TIAM2: variants seen among roughly 807,000 people sequenced by gnomAD.
TIAM2 encodes the protein rho guanine nucleotide exchange factor TIAM2.
Under a neutral mutation model 152.9 loss-of-function variants are expected in TIAM2, and 80 were observed. The ratio of observed to expected loss-of-function variants is 0.52; its 90% CI spans 0.44 to 0.63. The LOEUF (loss-of-function observed/expected upper bound fraction) is 0.63. Among genes scored for constraint, TIAM2 ranks in the 30% least tolerant of loss-of-function variants. The pLI, the probability that TIAM2 is intolerant of heterozygous loss-of-function variation, is 0.00. For synonymous variants in TIAM2, 804 were observed against 838.0 expected, an observed-to-expected ratio of 0.96 and a Z score of 0.70; for missense variants, 1,965 against 2,120.1, an observed-to-expected ratio of 0.93 and a Z score of 1.44.
At chr6:155,130,736 G>A (rs1779426740) in intron 4 of TIAM2, among the ~76,000 whole-genome samples, 1 of 152,168 alleles carries the variant, frequency 6.6e-6, no homozygotes, top group African/African-American at 2.4e-5. Flanking sequence ...GAAGTCAGAG[G>A]TCAGAGTGCC....
chr6:155,064,788 T>C (rs1418052413), intron 1 of TIAM2, among the ~76,000 whole-genome samples: 1 of 152,130 alleles, frequency 6.6e-6, no homozygotes, highest in Admixed American at 6.6e-5. Flanking sequence ...TACTGCTGCA[T>C]TGAGGACAAA....
chr6:155,089,823 G>A (rs1038821657), intron 1 of TIAM2, among the ~76,000 whole-genome samples: 1 of 152,126 alleles, frequency 6.6e-6, no homozygotes, highest in Non-Finnish European at 1.5e-5. Flanking sequence ...CTTGAATGGA[G>A]CTCAGTGAGA....
chr6:155,063,201 C>T (rs1364350182), intron 1 of TIAM2, among the ~76,000 whole-genome samples: 2 of 152,058 alleles, frequency 1.3e-5, no homozygotes, highest in South Asian at 2.1e-4. Context: ...TGAGTCAAGA[C>T]TTAGAAATGC....
At chr6:155,092,154 C>T (rs1778321073) in intron 2 of TIAM2, among the ~76,000 whole-genome samples, 3 of 150,848 alleles carry the variant, frequency 2.0e-5, no homozygotes, top group South Asian at 4.2e-4. Flanking sequence ...CTGCCTCAGC[C>T]TCCCAAAGTG....
chr6:155,160,805 G>C lies in TIAM2; in HGVS notation c.2029-3610G>C, dbSNP rs1274832366. ...AACAAACAAACAAAAAATCACTCCAGTCAGGATAAGGTTAAGAAGGATAAG... is the reference window on the plus strand; with the variant it reads ...AACAAACAAACAAAAAATCACTCCACTCAGGATAAGGTTAAGAAGGATAAG... On this transcript the variant is annotated intron_variant, in intron 7 of 26. Transcript: ENST00000682666. 7.2e-5 allele frequency among the ~76,000 whole-genome samples: 11 copies of C among 152,088 alleles called. No individual in the cohort carries two copies. The East Asian group carries it at 2.1e-3, about 29-fold the overall frequency.
chr6:155,147,642 C>T (rs1262327070), intron 6 of TIAM2, among the ~76,000 whole-genome samples: 11 of 152,304 alleles, frequency 7.2e-5, no homozygotes, highest in Admixed American at 3.9e-4. Flanking sequence ...TGCGCCACCA[C>T]GCCCGGCTAA....
chr6:155,257,342 T>G lies in TIAM2; in HGVS notation c.*221T>G. On this transcript the variant is annotated 3_prime_UTR_variant, in exon 27 of 27. Transcript: ENST00000682666. ...CAGAATCTGTAAATTACTTAGTTTA[T>G]ATCCACTTTGAGCAGGTATCAAATG... The G allele has an allele frequency of 1.8e-6, 1 of 553,164 alleles. No homozygotes were observed. Among genetic ancestry groups the G allele is most frequent in the South Asian group, 2.2e-5 (1 of 46,394 alleles). The allele number at this position is 553,164 out of a possible 1,614,324, so 34.3% of individuals were successfully genotyped here. A position where few individuals can be genotyped will look rare whatever the true frequency, so the allele number is the denominator to read the frequency against.
intron 1 of TIAM2, among the ~76,000 whole-genome samples, chr6:155,056,240 C>T (rs1234733880): frequency 4.3e-5 from 6 of 139,946 alleles, no homozygotes; most frequent in Admixed American, 1.5e-4. Context: ...GGCGCGATCT[C>T]GGCTCACTGC....
chr6:155,206,477 T>C (rs573165586), intron 14 of TIAM2, among the ~76,000 whole-genome samples: 17 of 152,280 alleles, frequency 1.1e-4, no homozygotes, highest in South Asian at 2.1e-4. Context: ...CCTCGTGATC[T>C]GCCCCCCTCA....
At chr6:155,116,718 C>T (rs1189700832) in intron 2 of TIAM2, among the ~76,000 whole-genome samples, 6 of 152,076 alleles carry the variant, frequency 3.9e-5, no homozygotes, top group East Asian at 1.9e-4. Context: ...GAGATTCCAG[C>T]GCATGATGCT....
intron 1 of TIAM2, among the ~76,000 whole-genome samples, chr6:155,023,660 G>A (rs1046906510): frequency 2.6e-5 from 4 of 152,116 alleles, no homozygotes; most frequent in East Asian, 3.8e-4. Context: ...CTTCTCTTGC[G>A]GGGAAAGGTC....
intron 1 of TIAM2, among the ~76,000 whole-genome samples, chr6:155,061,322 A>G (rs921121607): frequency 6.6e-6 from 1 of 152,098 alleles, no homozygotes; most frequent in Non-Finnish European, 1.5e-5. Flanking sequence ...GCTATCTCTA[A>G]ATACACACAT....
chr6:155,147,877 G>A (rs1480899845), intron 6 of TIAM2, among the ~76,000 whole-genome samples: 1 of 152,160 alleles, frequency 6.6e-6, no homozygotes, highest in African/African-American at 2.4e-5. Context: ...ACTCGTTTCT[G>A]GTTTTAGTTC....
In TIAM2 at chr6:155,254,183, G is replaced by A. The variant is rs117437369; in HGVS notation, c.4313+123G>A. On this transcript the variant is annotated intron_variant, in intron 25 of 26. Transcript: ENST00000682666. Reference sequence around the variant, plus strand: ...ATCAGGGTCATACTCCCCACCCTCCGAAAAAGGCAACTGAGGCCGCTAGTA... The same window carrying A: ...ATCAGGGTCATACTCCCCACCCTCCAAAAAAGGCAACTGAGGCCGCTAGTA... The A allele has an allele frequency of 2.5e-4, 292 of 1,155,574 alleles. 2 individuals are homozygous for A. Among genetic ancestry groups the A allele is most frequent in the Non-Finnish European group, 3.3e-4 (274 of 823,078 alleles). 71.6% of individuals were successfully genotyped at this position (1,155,574 alleles called of 1,614,324 possible). A position where few individuals can be genotyped will look rare whatever the true frequency, so the allele number is the denominator to read the frequency against.
rs765208166 is a variant in TIAM2, at chr6:155,148,193, A to G, written c.1887A>G (p.Lys629=). ...CASLFAKKHG[K]EDTLRLLKNQ... ...CCCTTTTTGCAAAGAAGCATGGGAA[A>G]GAGGACACGCTGCGGCTGCTGAAGA... Residue 629 remains lysine (K), a synonymous_variant, in exon 7 of 27, where the codon AAA becomes AAG. Transcript: ENST00000682666. 6.2e-7 allele frequency: 1 copy of G among 1,613,576 alleles called. No individual in the cohort carries two copies. The highest frequency in any genetic ancestry group is 1.1e-5 in the South Asian group (1 of 91,052).
At chr6:155,205,859 G>A (rs111868762) in intron 14 of TIAM2, among the ~76,000 whole-genome samples, 3,407 of 152,264 alleles carry the variant, frequency 0.022, 47 homozygotes, top group Non-Finnish European at 0.032. Context: ...AAACCCACAC[G>A]TTTGCATATT....
chr6:155,063,540 T>G (rs921944445), intron 1 of TIAM2, among the ~76,000 whole-genome samples: 2 of 152,128 alleles, frequency 1.3e-5, no homozygotes, highest in African/African-American at 4.8e-5. Flanking sequence ...TCCCAGCACT[T>G]TGGAAGGCCG....
At position 155,081,350 on chromosome 6, in the gene TIAM2, A is replaced by G. The variant is rs1278024623; in HGVS notation, c.-208-8939A>G. ...GTCATTCAACAATTATCTACTTTCA[A>G]GGCATTGGGAAAGGGATCATTGGTC... On this transcript the variant is annotated intron_variant, in intron 1 of 26. Transcript: ENST00000682666. Among the ~76,000 whole-genome samples, 4 of 151,978 alleles carry G rather than the reference A, an allele frequency of 2.6e-5. No homozygotes were observed. The East Asian group carries it at 7.8e-4, about 29-fold the overall frequency.
At chr6:155,095,985 T>C (rs543821847) in intron 2 of TIAM2, among the ~76,000 whole-genome samples, 15 of 152,334 alleles carry the variant, frequency 9.8e-5, no homozygotes, top group Admixed American at 9.1e-4. Flanking sequence ...AAAAACTTTG[T>C]TTTACCTTAG....
Sources: gnomAD v4.1 joint callset for allele counts (sites outside exome capture counted in the v4.1 genomes callset) on GRCh38, gnomAD v4.1.1 for gene constraint, MANE v1.5 for transcripts, NCBI Gene and HGNC (gene_info 2026-07-23, HGNC 2026-07-21) for gene names.